The following CDH19 variants were observed in gnomAD, a reference collection of about 807,000 sequenced individuals.
CDH19 encodes cadherin 19.
In CDH19, 67 loss-of-function variants were observed where a neutral mutation model predicts 64.2. The observed-to-expected ratio is 1.04, with a 90% CI of 0.86 to 1.28. The LOEUF (loss-of-function observed/expected upper bound fraction) is 1.28. Among genes scored for constraint, CDH19 ranks in the 50% most tolerant of loss-of-function variants. The pLI, the probability that CDH19 is intolerant of heterozygous loss-of-function variation, is 0.00. For missense variants in CDH19, 1,030 were observed against 929.0 expected, an observed-to-expected ratio of 1.11 and a Z score of -1.41; for synonymous variants, 346 against 319.3, an observed-to-expected ratio of 1.08 and a Z score of -0.89.
At chr18:66,598,929 A>C (rs958158383) in intron 1 of CDH19, among the ~76,000 whole-genome samples, 1 of 152,088 alleles carries the variant, frequency 6.6e-6, no homozygotes, top group African/African-American at 2.4e-5. Flanking sequence ...GTAAATAAGA[A>C]TATATTATTA....
In CDH19 at chr18:66,530,012, G is replaced by A. The variant is rs1026309437; in HGVS notation, c.1337-46C>T. 12 of 978,624 alleles carry A rather than the reference G, an allele frequency of 1.2e-5. No homozygotes were observed. In the African/African-American group the frequency reaches 2.1e-4, roughly 17 times the overall value. 60.6% of individuals were successfully genotyped at this position (978,624 alleles called of 1,614,324 possible). The stretch of plus-strand genomic sequence containing the variant: ...ATAAAAATCTAACATATTTTAATAT[G>A]TCTTTAGAAGAGACATCATTAAAAT... On this transcript the variant is annotated intron_variant, in intron 8 of 11. Transcript: ENST00000262150.
At chr18:66,574,257 G>C (rs1384112857) in intron 1 of CDH19, among the ~76,000 whole-genome samples, 3 of 151,516 alleles carry the variant, frequency 2.0e-5, no homozygotes, top group Non-Finnish European at 4.4e-5. Context: ...TTTTATAAAT[G>C]TTTAGGGGCT....
Position 66,544,220 on chromosome 18 carries a change from A to C in CDH19, c.965T>G (p.Val322Gly). 1 of 1,612,148 alleles carries C rather than the reference A, an allele frequency of 6.2e-7. No individual in the cohort carries two copies. Among genetic ancestry groups the C allele is most frequent in the Non-Finnish European group, 8.5e-7 (1 of 1,179,096 alleles). The part of the protein sequence containing the change: ...QEGIVILKKK[V>G]DFEHQNHYGI... ...GTAGTGGTTCTGGTGCTCAAAATCC[A>C]CTTTCTGCAAAGAAACACAGTATAC... The change falls in exon 7 of 12, where the codon GTG becomes GGG. Residue 322 changes from valine to glycine, a missense_variant. Coordinates refer to ENST00000262150, the MANE Select transcript of CDH19 (RefSeq NM_021153.4).
At chr18:66,534,669 A>C (rs1268931186) in intron 8 of CDH19, among the ~76,000 whole-genome samples, 1 of 151,946 alleles carries the variant, frequency 6.6e-6, no homozygotes. Flanking sequence ...AGAAAAATTT[A>C]CAACCCGAAA....
intron 9 of CDH19, among the ~76,000 whole-genome samples, chr18:66,526,841 T>TTTTA (rs1323951019): frequency 1.3e-5 from 2 of 152,000 alleles, no homozygotes; most frequent in Admixed American, 6.6e-5. Flanking sequence ...TCTTTTTTTT[T>TTTTA]AAAATTGTGT....
chr18:66,562,169 G>T (rs533331870), intron 3 of CDH19, among the ~76,000 whole-genome samples: 1 of 151,686 alleles, frequency 6.6e-6, no homozygotes, highest in South Asian at 2.1e-4. Flanking sequence ...TGATTAAAGC[G>T]CATTACAGTT....
chr18:66,529,768 T>C (rs1459746246), intron 9 of CDH19, 77 bp downstream of exon 9: 3 of 685,138 alleles, frequency 4.4e-6, no homozygotes, highest in Non-Finnish European at 4.4e-6. Flanking sequence ...AACAATATTG[T>C]ATAATATATG....
At chr18:66,562,401 G>A (rs1284616539) in intron 3 of CDH19, among the ~76,000 whole-genome samples, 1 of 151,890 alleles carries the variant, frequency 6.6e-6, no homozygotes, top group Non-Finnish European at 1.5e-5. Flanking sequence ...AATAGGGTTT[G>A]CAATCCTATG....
intron 9 of CDH19, among the ~76,000 whole-genome samples, chr18:66,518,730 C>T (rs985597313): frequency 5.3e-5 from 8 of 152,178 alleles, no homozygotes; most frequent in Non-Finnish European, 7.4e-5. Context: ...TGAAACTCAA[C>T]GATACAAATC....
At chr18:66,602,301 A>T (rs930032426) in intron 1 of CDH19, among the ~76,000 whole-genome samples, 1 of 151,978 alleles carries the variant, frequency 6.6e-6, no homozygotes, top group Admixed American at 6.6e-5. Context: ...GGCAAAAATG[A>T]TCAGTTGATA....
chr18:66,581,512 C>G (rs1314475129), intron 1 of CDH19, among the ~76,000 whole-genome samples: 3 of 152,002 alleles, frequency 2.0e-5, no homozygotes, highest in Non-Finnish European at 4.4e-5. Flanking sequence ...TGGGCACCAT[C>G]CAGTCACAGC....
chr18:66,553,641 G>A lies in CDH19; in HGVS notation c.610+764C>T, dbSNP rs934612815. ...ATTTTACTTCTTTGGCACTTCTCAC[G>A]TTCTTGGGTGATTAGTTATATATAT... On this transcript the variant is annotated intron_variant, in intron 4 of 11. Coordinates refer to ENST00000262150, the MANE Select transcript of CDH19 (RefSeq NM_021153.4). 6.0e-5 allele frequency among the ~76,000 whole-genome samples: 8 copies of A among 132,966 alleles called. 2 individuals carry two copies. In the South Asian group the frequency reaches 9.6e-4, roughly 16 times the overall value. The allele number at this position is 132,966 out of a possible 152,430, so 87.2% of individuals were successfully genotyped here.
At chr18:66,586,102 C>T (rs917439656) in intron 1 of CDH19, among the ~76,000 whole-genome samples, 3 of 151,820 alleles carry the variant, frequency 2.0e-5, no homozygotes, top group Non-Finnish European at 4.4e-5. Context: ...TAATGTATTC[C>T]GGAAAGCTCA....
chr18:66,573,989 T>A lies in CDH19; in HGVS notation c.-112-1673A>T, dbSNP rs936067935. ...ATCAAAGCTTAAAATTAAGAAAAAA[T>A]TTTAATATAATAAAATATTCATACA... On this transcript the variant is annotated intron_variant, in intron 1 of 11. Transcript: ENST00000262150. 1.1e-4 allele frequency among the ~76,000 whole-genome samples: 17 copies of A among 151,192 alleles called. No homozygotes were observed. In the East Asian group the frequency reaches 2.9e-3, roughly 26 times the overall value.
chr18:66,532,277 A>AC (rs1986477579), intron 8 of CDH19: 10 of 138,260 alleles, frequency 7.2e-5, no homozygotes, highest in African/African-American at 3.1e-4. Context: ...TCTCTTTTTC[A>AC]TAAAAAAAAA....
At chr18:66,573,594 A>G (rs1407582617) in intron 1 of CDH19, among the ~76,000 whole-genome samples, 3 of 150,362 alleles carry the variant, frequency 2.0e-5, no homozygotes, top group African/African-American at 7.3e-5. Context: ...ATGAATAAAA[A>G]TATTTGGAAC....
chr18:66,537,820 T>C (rs1315146984), intron 7 of CDH19, among the ~76,000 whole-genome samples: 1 of 151,852 alleles, frequency 6.6e-6, no homozygotes, highest in African/African-American at 2.4e-5. Context: ...TGTTTTTAGG[T>C]CCTTTGAGCA....
chr18:66,520,274 C>T (rs1045263385), intron 9 of CDH19, among the ~76,000 whole-genome samples: 3 of 150,766 alleles, frequency 2.0e-5, no homozygotes, highest in African/African-American at 7.3e-5. Flanking sequence ...AGTTATTAAA[C>T]GCCTATCTTT....
chr18:66,598,731 GTATT>G (rs1988967397), intron 1 of CDH19, among the ~76,000 whole-genome samples: 1 of 152,054 alleles, frequency 6.6e-6, no homozygotes, highest in Non-Finnish European at 1.5e-5. Flanking sequence ...CTGTCAGGTA[GTATT>G]ATCACTACCT....
Sources: gnomAD v4.1 joint callset for allele counts (sites outside exome capture counted in the v4.1 genomes callset) on GRCh38, gnomAD v4.1.1 for gene constraint, MANE v1.5 for transcripts, NCBI Gene and HGNC (gene_info 2026-07-23, HGNC 2026-07-21) for gene names.